RGS5: variants seen among roughly 807,000 people sequenced by gnomAD.
RGS5 encodes regulator of G-protein signalling 5.
A neutral mutation model predicts 18.9 loss-of-function variants in RGS5; 20 were observed. That is an observed-to-expected ratio of 1.06 (90% CI 0.74 to 1.54). RGS5 has a LOEUF of 1.54. Among genes scored for constraint, RGS5 ranks in the 40% most tolerant of loss-of-function variants. The probability of loss-of-function intolerance (pLI) is 0.00; values close to 1 mark genes in which losing one functional copy is unlikely to be tolerated. For missense variants in RGS5, 201 were observed against 211.8 expected (o/e 0.95, Z 0.32); for synonymous variants, 57 against 76.2 (o/e 0.75, Z 1.31).
At chr1:163,177,196 T>C (rs1210499611) in intron 1 of RGS5, among the ~76,000 whole-genome samples, 1 of 152,254 alleles carries the variant, frequency 6.6e-6, no homozygotes, top group Non-Finnish European at 1.5e-5. Flanking sequence ...TTTGAAAATG[T>C]AATTCACTCT....
intron 4 of RGS5, among the ~76,000 whole-genome samples, chr1:163,148,527 T>C (rs1657246731): frequency 6.6e-6 from 1 of 152,208 alleles, no homozygotes; most frequent in African/African-American, 2.4e-5. Flanking sequence ...TGTCTACATT[T>C]TACAGTTGAG....
chr1:163,236,653 T>C (rs1647628261), intron 2 of RGS5, among the ~76,000 whole-genome samples: 1 of 152,080 alleles, frequency 6.6e-6, no homozygotes, highest in African/African-American at 2.4e-5. Flanking sequence ...GCAGACCCTC[T>C]ACAAAGAATG....
chr1:163,205,587 G>GTA (rs1292728082), upstream of RGS5, among the ~76,000 whole-genome samples: 1 of 152,040 alleles, frequency 6.6e-6, no homozygotes. Flanking sequence ...AGTAGGAGTG[G>GTA]TACCTAATGA....
In RGS5 at chr1:163,281,974, C is replaced by G. The variant is rs138914766; in HGVS notation, c.-281+24259G>C. ...AAACTATAAAACTACTAGAAGAAAACAAAAGGAAAATGCTTTAGAATATTG... is the reference window on the plus strand; with the variant it reads ...AAACTATAAAACTACTAGAAGAAAAGAAAAGGAAAATGCTTTAGAATATTG... On this transcript the variant is annotated intron_variant, in intron 2 of 5. Coordinates refer to the RGS5 transcript ENST00000618415. Among the ~76,000 whole-genome samples the G allele has an allele frequency of 3.5e-3, 536 of 151,998 alleles. 2 individuals are homozygous for G. The highest frequency in any genetic ancestry group is 0.024 in the Middle Eastern group (7 of 294).
chr1:163,187,022 G>C (rs569483193), intron 1 of RGS5, among the ~76,000 whole-genome samples: 2 of 151,890 alleles, frequency 1.3e-5, no homozygotes, highest in African/African-American at 4.8e-5. Flanking sequence ...TCATGCTCTC[G>C]AGCCAGTATC....
intron 1 of RGS5, among the ~76,000 whole-genome samples, chr1:163,192,966 C>T (rs1428337165): frequency 6.6e-6 from 1 of 152,174 alleles, no homozygotes; most frequent in African/African-American, 2.4e-5. Flanking sequence ...TCCTGAATCC[C>T]ATAGACAAGT....
intron 1 of RGS5, among the ~76,000 whole-genome samples, chr1:163,177,017 T>C (rs1184541816): frequency 2.0e-5 from 3 of 152,210 alleles, no homozygotes; most frequent in Non-Finnish European, 4.4e-5. Context: ...CAGCTATCCC[T>C]ATAGAGATCG....
chr1:163,161,796 C>T, intron 3 of RGS5, 119 bp downstream of exon 3: 1 of 735,578 alleles, frequency 1.4e-6, no homozygotes, highest in Non-Finnish European at 2.3e-6. Context: ...ATTGATATCA[C>T]CTTCAAAAAT....
intron 4 of RGS5, among the ~76,000 whole-genome samples, chr1:163,150,825 G>T (rs1218831427): frequency 6.6e-6 from 1 of 152,126 alleles, no homozygotes; most frequent in Non-Finnish European, 1.5e-5. Flanking sequence ...CACATTTAGG[G>T]TAACTCATAA....
At chr1:163,219,908 C>T (rs1307702474), upstream of RGS5, among the ~76,000 whole-genome samples, 3 of 152,042 alleles carry the variant, frequency 2.0e-5, no homozygotes, top group African/African-American at 7.2e-5. Context: ...AACATATGGA[C>T]TCATTTCTGT....
intron 3 of RGS5, among the ~76,000 whole-genome samples, chr1:163,156,785 C>T (rs1041966285): frequency 2.0e-5 from 3 of 152,160 alleles, no homozygotes; most frequent in Non-Finnish European, 4.4e-5. Flanking sequence ...CCTAATTCCC[C>T]TTAATCTCAA....
chr1:163,309,558 T>C (rs1214242226), intron 1 of RGS5, among the ~76,000 whole-genome samples: 1 of 152,192 alleles, frequency 6.6e-6, no homozygotes, highest in Admixed American at 6.5e-5. Context: ...TATTATAATA[T>C]TGCAGCAATT....
intron 1 of RGS5, chr1:163,217,447 C>A: frequency 7.2e-7 from 1 of 1,394,848 alleles, no homozygotes; most frequent in African/African-American, 1.5e-5. Context: ...CATCCTTCCA[C>A]AAAATAACTA....
intron 2 of RGS5, chr1:163,304,507 T>C (rs537204667): frequency 7.2e-5 from 11 of 152,350 alleles, no homozygotes; most frequent in Middle Eastern, 3.4e-3. Context: ...TGTCATACTT[T>C]CTGTGAAGAT....
rs182523378 is a variant in RGS5, at chr1:163,272,922, G to A, written c.-281+33311C>T. Among the ~76,000 whole-genome samples, 6 of 152,112 alleles carry A rather than the reference G, an allele frequency of 3.9e-5. No homozygotes were observed. The South Asian group carries it at 6.2e-4, about 16-fold the overall frequency. On this transcript the variant is annotated intron_variant, in intron 2 of 5. Transcript: ENST00000618415. ...AGGTCAGGCACAGTGGCTCACACTCGTGGTTTTGTTTCCATTCATTCACAA... is the reference window on the plus strand; with the variant it reads ...AGGTCAGGCACAGTGGCTCACACTCATGGTTTTGTTTCCATTCATTCACAA...
intron 1 of RGS5, among the ~76,000 whole-genome samples, chr1:163,316,304 CTT>C (rs1571360671): frequency 6.6e-6 from 1 of 152,278 alleles, no homozygotes. Context: ...AACAATGACA[CTT>C]GTTTGCTTTT....
rs1026995196 is a variant in RGS5, at chr1:163,180,686, GTTTTTTT to G, written c.45-12325_45-12319del. ...CCCTTTGTAATAAAGCCCTTACCCT[GTTTTTTT>G]TTTTTTTTTTTTTTTTTTTGAGACG... On this transcript the variant is annotated intron_variant, in intron 1 of 4. Coordinates refer to ENST00000313961, the MANE Select transcript of RGS5 (RefSeq NM_003617.4). Among the ~76,000 whole-genome samples the G allele has an allele frequency of 1.9e-4, 12 of 61,980 alleles. No individual in the cohort carries two copies. In the South Asian group the frequency reaches 2.9e-3, roughly 15 times the overall value. The allele number at this position is 61,980 out of a possible 152,430, so 40.7% of individuals were successfully genotyped here.
At chr1:163,170,766 A>G (rs992313336) in intron 1 of RGS5, among the ~76,000 whole-genome samples, 5 of 152,128 alleles carry the variant, frequency 3.3e-5, no homozygotes, top group Non-Finnish European at 2.9e-5. Context: ...ACTAAAGCCA[A>G]CTCAGGTCCC....
At chr1:163,195,576 CA>C (rs1450635901) in intron 1 of RGS5, among the ~76,000 whole-genome samples, 1 of 151,096 alleles carries the variant, frequency 6.6e-6, no homozygotes, top group Non-Finnish European at 1.5e-5. Flanking sequence ...ACTACTGAAA[CA>C]AAAGTAACAA....
Sources: gnomAD v4.1 joint callset for allele counts (sites outside exome capture counted in the v4.1 genomes callset) on GRCh38, gnomAD v4.1.1 for gene constraint, MANE v1.5 for transcripts, NCBI Gene and HGNC (gene_info 2026-07-23, HGNC 2026-07-21) for gene names.